LINGO2: variants seen among roughly 807,000 people sequenced by gnomAD.
The protein encoded by LINGO2 is leucine rich repeat and Ig domain containing 2.
A neutral mutation model predicts 30.6 loss-of-function variants in LINGO2; 14 were observed. The observed-to-expected ratio is 0.46, with a 90% CI of 0.30 to 0.72. The LOEUF is 0.72. Among genes scored for constraint, LINGO2 ranks in the 30% least tolerant of loss-of-function variants. The pLI, the probability that LINGO2 is intolerant of heterozygous loss-of-function variation, is 0.07. For synonymous variants in LINGO2, 317 were observed against 288.5 expected, an observed-to-expected ratio of 1.10 and a Z score of -1.00; for missense variants, 729 against 751.7, an observed-to-expected ratio of 0.97 and a Z score of 0.35.
At chr9:28,342,703 C>T (rs1445085411) in intron 3 of LINGO2, among the ~76,000 whole-genome samples, 1 of 152,012 alleles carries the variant, frequency 6.6e-6, no homozygotes, top group Non-Finnish European at 1.5e-5. Flanking sequence ...AAACTAACTT[C>T]TCCTAGAGGA....
intron 5 of LINGO2, among the ~76,000 whole-genome samples, chr9:27,957,220 T>G (rs1819615816): frequency 6.6e-6 from 1 of 152,212 alleles, no homozygotes; most frequent in African/African-American, 2.4e-5. Flanking sequence ...TCTATTCTGC[T>G]CCACCAGAAT....
chr9:28,065,868 CA>C (rs1363014425), intron 4 of LINGO2, among the ~76,000 whole-genome samples: 4 of 152,016 alleles, frequency 2.6e-5, no homozygotes, highest in Non-Finnish European at 5.9e-5. Flanking sequence ...CAGCAGCTCA[CA>C]AAAACCCCAG....
chr9:28,738,605 G>C, the LINGO2 span, among the ~76,000 whole-genome samples: 1 of 151,834 alleles, frequency 6.6e-6, no homozygotes, highest in Non-Finnish European at 1.5e-5. Flanking sequence ...ACCAAAAAAA[G>C]TACTCACTAC....
chr9:29,145,420 GTT>G, the LINGO2 span, among the ~76,000 whole-genome samples: 2 of 145,656 alleles, frequency 1.4e-5, no homozygotes, highest in South Asian at 2.2e-4. Flanking sequence ...AAAAATTAGT[GTT>G]TTTTTTTTTC....
chr9:28,224,981 CA>C (rs1286739769), intron 4 of LINGO2, among the ~76,000 whole-genome samples: 1 of 152,134 alleles, frequency 6.6e-6, no homozygotes, highest in African/African-American at 2.4e-5. Flanking sequence ...GCAACCAACT[CA>C]TTTTTGACAA....
the LINGO2 span, among the ~76,000 whole-genome samples, chr9:28,751,253 T>C: frequency 4.0e-5 from 5 of 123,780 alleles, no homozygotes; most frequent in East Asian, 1.3e-3. Context: ...ATTATGTCAC[T>C]GCACTCCAAT....
intron 2 of LINGO2, among the ~76,000 whole-genome samples, chr9:28,380,624 C>T (rs746315210): frequency 6.6e-6 from 1 of 151,878 alleles, no homozygotes; most frequent in African/African-American, 2.4e-5. Flanking sequence ...AACACCATAT[C>T]GTGGAGGTCA....
chr9:28,204,233 TACAC>T (rs1820334995), intron 4 of LINGO2, among the ~76,000 whole-genome samples: 1 of 152,122 alleles, frequency 6.6e-6, no homozygotes, highest in Non-Finnish European at 1.5e-5. Context: ...TACATATACA[TACAC>T]ACACGTGCAT....
At chr9:28,486,838 G>A (rs917986400) in intron 1 of LINGO2, among the ~76,000 whole-genome samples, 2 of 152,036 alleles carry the variant, frequency 1.3e-5, no homozygotes, top group African/African-American at 4.8e-5. Context: ...TCTATGACTA[G>A]AGATAGAGTT....
At chr9:28,814,196 T>C in the LINGO2 span, among the ~76,000 whole-genome samples, 1 of 152,164 alleles carries the variant, frequency 6.6e-6, no homozygotes, top group Non-Finnish European at 1.5e-5. Flanking sequence ...CTCAGAACTT[T>C]GGGAGGCCAA....
intron 3 of LINGO2, among the ~76,000 whole-genome samples, chr9:28,306,971 T>C (rs1824389774): frequency 6.6e-6 from 1 of 152,002 alleles, no homozygotes; most frequent in African/African-American, 2.4e-5. Flanking sequence ...CAGGACCAGA[T>C]GGATTCACAG....
the LINGO2 span, among the ~76,000 whole-genome samples, chr9:28,996,773 C>G: frequency 1.3e-5 from 2 of 152,016 alleles, no homozygotes; most frequent in South Asian, 4.2e-4. Context: ...TCAATGATAC[C>G]TCATATTTAT....
chr9:28,303,388 T>C (rs2134217528), intron 3 of LINGO2, among the ~76,000 whole-genome samples: 1 of 152,228 alleles, frequency 6.6e-6, no homozygotes, highest in African/African-American at 2.4e-5. Flanking sequence ...CTAACTCAAC[T>C]AACATGACCT....
rs185179645 is a variant in LINGO2, at chr9:28,217,028, A to C, written c.-87+78180T>G. 2.4e-3 allele frequency among the ~76,000 whole-genome samples: 369 copies of C among 151,802 alleles called. 3 individuals are homozygous for C. The highest frequency in any genetic ancestry group is 8.0e-3 in the African/African-American group (332 of 41,504). ...CTTGTTTTGCATCAATGAGAAAAGC[A>C]AGGAATAGACATTTATTAATGTAGT... On this transcript the variant is annotated intron_variant, in intron 4 of 5. Transcript: ENST00000379992.
chr9:28,097,873 T>TA (rs33943553), intron 4 of LINGO2, among the ~76,000 whole-genome samples: 6,279 of 152,056 alleles, frequency 0.041, 144 homozygotes, highest in Non-Finnish European at 0.053. Context: ...CACAACCTCT[T>TA]AAAAAAAATT....
intron 1 of LINGO2, among the ~76,000 whole-genome samples, chr9:28,565,498 T>A (rs957560571): frequency 2.7e-5 from 4 of 147,378 alleles, no homozygotes; most frequent in African/African-American, 1.0e-4. Flanking sequence ...AAAAATTATT[T>A]TTATTTTTTT....
intron 2 of LINGO2, among the ~76,000 whole-genome samples, chr9:28,436,440 T>C (rs1475358871): frequency 6.9e-6 from 1 of 145,540 alleles, no homozygotes; most frequent in African/African-American, 2.7e-5. Context: ...ATTTATTTAT[T>C]TATTTATTTA....
chr9:28,877,018 T>C, the LINGO2 span, among the ~76,000 whole-genome samples: 1 of 152,210 alleles, frequency 6.6e-6, no homozygotes, highest in Admixed American at 6.5e-5. Context: ...TAACCATTTT[T>C]TCATGTGTTT....
chr9:28,799,220 C>A, the LINGO2 span, among the ~76,000 whole-genome samples: 5 of 151,932 alleles, frequency 3.3e-5, no homozygotes, highest in Admixed American at 3.3e-4. Context: ...GTATGTCAAT[C>A]ATCAAGAAAT....
Sources: gnomAD v4.1 joint callset for allele counts (sites outside exome capture counted in the v4.1 genomes callset) on GRCh38, gnomAD v4.1.1 for gene constraint, MANE v1.5 for transcripts, NCBI Gene and HGNC (gene_info 2026-07-23, HGNC 2026-07-21) for gene names.